MUS81: variants seen among roughly 807,000 people sequenced by gnomAD.
MUS81 encodes the protein structure-specific endonuclease subunit MUS81.
MUS81 carries 69 observed loss-of-function variants against 74.2 expected under a neutral mutation model. The observed-to-expected ratio is 0.93, with a 90% CI of 0.77 to 1.14. The LOEUF is 1.14. MUS81 is among the 50% of genes most tolerant of loss of function. The pLI, the probability that MUS81 is intolerant of heterozygous loss-of-function variation, is 0.00. For missense variants in MUS81, 711 were observed against 726.5 expected (o/e 0.98, Z 0.25); for synonymous variants, 303 against 300.6 (o/e 1.01, Z -0.08).
chr11:65,863,116 A>G lies in MUS81; in HGVS notation c.657A>G (p.Ser219=). ...AGCTGGCCCAGAAGTTGGCCGAGTC[A>G]GAAGGCCTGAGCTTGCTGAATGTGG... The part of the protein sequence containing the change: ...GLELAQKLAE[S]EGLSLLNVGI... The change falls in exon 7 of 16, where the codon TCA becomes TCG. Residue 219 remains serine, a synonymous_variant. Coordinates refer to ENST00000308110, the MANE Select transcript of MUS81 (RefSeq NM_025128.5). 8 of 1,614,192 alleles carry G rather than the reference A, an allele frequency of 5.0e-6. No homozygotes were observed. The highest frequency in any genetic ancestry group is 6.8e-6 in the Non-Finnish European group (8 of 1,180,030).
At position 65,864,512 on chromosome 11, in the gene MUS81, T is replaced by A; in HGVS notation, c.1075T>A (p.Cys359Ser). Reference sequence around the variant, plus strand: ...ACTTCCCTAGTTCCGGCTGAAGCGCTGTGGTCTGGAGCGCCGGGTATACCT... The same window carrying A: ...ACTTCCCTAGTTCCGGCTGAAGCGCAGTGGTCTGGAGCGCCGGGTATACCT... ...FREQKFRLKR[C>S]GLERRVYLVE... is the part of the protein sequence containing the mutation. Residue 359 changes from cysteine to serine, a missense_variant, in exon 11 of 16, where the codon TGT (cysteine) becomes AGT (serine). Physicochemically the swap from Cys to Ser is moderately radical, Grantham distance 112. Transcript: ENST00000308110. 6.2e-7 allele frequency: 1 copy of A among 1,614,142 alleles called. No homozygotes were observed. Among genetic ancestry groups the A allele is most frequent in the East Asian group, 2.2e-5 (1 of 44,880 alleles).
Position 65,861,332 on chromosome 11 carries a change from C to T in MUS81, c.266-18C>T. Reference sequence around the variant, plus strand: ...CCGGATTCGTGGAGTGTGGAGTTAACTCTTTTCTCTCCCGCAGGTGACCAT... The same window carrying T: ...CCGGATTCGTGGAGTGTGGAGTTAATTCTTTTCTCTCCCGCAGGTGACCAT... On this transcript the variant is annotated intron_variant, in intron 2 of 15. Transcript: ENST00000308110. 6.3e-7 allele frequency: 1 copy of T among 1,577,480 alleles called. No homozygotes were observed. Among genetic ancestry groups the T allele is most frequent in the Admixed American group, 1.8e-5 (1 of 55,562 alleles).
chr11:65,865,181 G>A, intron 13 of MUS81, 36 bp downstream of exon 13: 1 of 1,614,170 alleles, frequency 6.2e-7, no homozygotes. Context: ...ACATGGCCTG[G>A]CCCAGACCCC....
At chr11:65,862,313 T>TG in intron 5 of MUS81, 34 bp downstream of exon 5, 1 of 1,609,658 alleles carries the variant, frequency 6.2e-7, no homozygotes, top group South Asian at 1.1e-5. Context: ...CAGGCCCAAG[T>TG]GGCTCTGGGG....
At chr11:65,861,305 T>G (rs1175878165) in intron 2 of MUS81, 45 bp from the exon 3 acceptor site, 3 of 1,557,774 alleles carry the variant, frequency 1.9e-6, no homozygotes, top group Non-Finnish European at 2.6e-6. Flanking sequence ...TCCTCGCAGC[T>G]GCCGGATTCG....
rs1859562905 is a variant in MUS81 at position 65,860,820 on chromosome 11, C to T, written c.67C>T (p.Arg23Cys). Residue 23 changes from arginine (R) to cysteine (C), a missense_variant, in exon 1 of 16, where the codon CGC (arginine) becomes TGC (cysteine). Arg to Cys is a radical substitution (Grantham distance 180, BLOSUM62 -3). Transcript: ENST00000308110. ...TGCCTGTCCCAACCCGCTCTTCGTT[C>T]GCTGGCTGACCGAGTGGCGGGACGA... ...LPACPNPLFVRWLTEWRDEAT... is the reference protein window; with the variant it reads ...LPACPNPLFVCWLTEWRDEAT... The T allele has an allele frequency of 1.9e-6, 3 of 1,549,190 alleles. No homozygotes were observed. The highest frequency in any genetic ancestry group is 4.8e-5 in the East Asian group (2 of 41,254).
chr11:65,863,773 G>C, intron 9 of MUS81, 31 bp from the exon 10 acceptor site: 2 of 1,614,172 alleles, frequency 1.2e-6, no homozygotes. Flanking sequence ...GTGGGTAGGG[G>C]ATCGCAAGCT....
Position 65,863,069 on chromosome 11 carries a change from T to A in MUS81, c.610T>A (p.Ser204Thr). 1 of 1,614,030 alleles carries A rather than the reference T, an allele frequency of 6.2e-7. No homozygotes were observed. Among genetic ancestry groups the A allele is most frequent in the Non-Finnish European group, 8.5e-7 (1 of 1,180,006 alleles). ...GTTGTCCCCTCTGCCTCCCAGGTAC[T>A]CATTGACCCCAGAGGGCCTGGAGCT... Reference protein sequence around the residue: ...VLRTHQPARYSLTPEGLELAQ... With the variant: ...VLRTHQPARYTLTPEGLELAQ... The change falls in exon 7 of 16, where the codon TCA becomes ACA. Residue 204 changes from serine to threonine, a missense_variant. Transcript: ENST00000308110.
chr11:65,865,044 G>A lies in MUS81; in HGVS notation c.1300G>A (p.Gly434Arg). 6.2e-7 allele frequency: 1 copy of A among 1,613,878 alleles called. No homozygotes were observed. The highest frequency in any genetic ancestry group is 1.1e-5 in the South Asian group (1 of 91,080). ...CCACACCCTACGCAGCCGCCCCTGG[G>A]GAACCCCTGGGAACCCTGAATCAGG... The part of the protein sequence containing the change: ...QGHTLRSRPW[G>R]TPGNPESGAM... Residue 434 changes from glycine (G) to arginine (R), a missense_variant, in exon 13 of 16, where the codon GGA (glycine) becomes AGA (arginine). Transcript: ENST00000308110.
chr11:65,863,148 G>A lies in MUS81; in HGVS notation c.689G>A (p.Gly230Glu). The part of the protein sequence containing the change: ...EGLSLLNVGI[G>E]PKEPPGEETA... Reference sequence around the variant, plus strand: ...CTGAGCTTGCTGAATGTGGGCATCGGGCCCAAGGAGCCCCCTGGGGAGGAG... The same window carrying A: ...CTGAGCTTGCTGAATGTGGGCATCGAGCCCAAGGAGCCCCCTGGGGAGGAG... Residue 230 changes from glycine (G) to glutamate (E), a missense_variant, in exon 7 of 16, where the codon GGG (glycine) becomes GAG (glutamate). Transcript: ENST00000308110. The A allele has an allele frequency of 6.2e-7, 1 of 1,614,106 alleles. No homozygotes were observed. Among genetic ancestry groups the A allele is most frequent in the African/African-American group, 1.3e-5 (1 of 75,044 alleles).
rs779397880 is a variant in MUS81, at chr11:65,861,931, C to T, written c.352-16C>T. 1.9e-5 allele frequency: 31 copies of T among 1,596,032 alleles called. No homozygotes were observed. The highest frequency in any genetic ancestry group is 9.0e-5 in the East Asian group (4 of 44,230). ...CTGGCTGGCTTTCATGTTCAGAACT[C>T]CTCTGTACCTTTCAGGTTCCTGCCC... On this transcript the variant is annotated splice_polypyrimidine_tract_variant and intron_variant, in intron 3 of 15. Coordinates refer to ENST00000308110, the MANE Select transcript of MUS81 (RefSeq NM_025128.5).
At chr11:65,863,376 GT>G (rs775376254) in intron 7 of MUS81, 33 bp from the exon 8 acceptor site, 3 of 1,612,922 alleles carry the variant, frequency 1.9e-6, no homozygotes, top group Non-Finnish European at 2.5e-6. Flanking sequence ...GGCACAAGGG[GT>G]TCTGGCCTCA....
chr11:65,863,224 G>A lies in MUS81; in HGVS notation c.746+19G>A, dbSNP rs200899750. On this transcript the variant is annotated intron_variant, in intron 7 of 15. Coordinates refer to ENST00000308110, the MANE Select transcript of MUS81 (RefSeq NM_025128.5). ...CAGAGCTGTGAGGAGGAGGGCAGAG[G>A]AGTGGGGAAAACAGGGAGGAGGGGA... The A allele has an allele frequency of 2.2e-5, 35 of 1,606,516 alleles. No individual in the cohort carries two copies. In the Admixed American group the frequency reaches 2.2e-4, roughly 10 times the overall value.
At position 65,863,469 on chromosome 11, in the gene MUS81, T is replaced by A. The variant is rs1242391669; in HGVS notation, c.806T>A (p.Val269Glu). ...GAGCTGAGGCCTGGAGAGTACAGGG[T>A]GCTGTTGTGTGTGGACATTGGCGAG... ...PLELRPGEYR[V>E]LLCVDIGETR... The change falls in exon 8 of 16, where the codon GTG becomes GAG. Residue 269 changes from valine to glutamate, a missense_variant. Coordinates refer to ENST00000308110, the MANE Select transcript of MUS81 (RefSeq NM_025128.5). 6.2e-7 allele frequency: 1 copy of A among 1,613,818 alleles called. No homozygotes were observed. The highest frequency in any genetic ancestry group is 1.3e-5 in the African/African-American group (1 of 74,902).
chr11:65,861,705 C>T (rs1859612515), intron 3 of MUS81: 1 of 603,236 alleles, frequency 1.7e-6, no homozygotes, highest in Non-Finnish European at 3.0e-6. Context: ...TCTAATTACA[C>T]CTGTCCTGCA....
chr11:65,862,635 G>GC, intron 6 of MUS81, 106 bp downstream of exon 6: 1 of 1,095,308 alleles, frequency 9.1e-7, no homozygotes, highest in Non-Finnish European at 1.3e-6. Context: ...ATTGGGGGGG[G>GC]TGGGCCTTTC....
Position 65,865,986 on chromosome 11 carries a change from G to C in MUS81, c.1590G>C (p.Arg530Ser), listed in dbSNP as rs1328001410. 6.2e-7 allele frequency: 1 copy of C among 1,613,914 alleles called. No homozygotes were observed. Among genetic ancestry groups the C allele is most frequent in the Admixed American group, 1.7e-5 (1 of 59,990 alleles). ...LSTIKCGRLQ[R>S]NLGPALSRTL... ...ACCCTCGCTGCCTCTCTTCCTGCAG[G>C]AATCTGGGGCCTGCTCTGAGCAGGA... The change falls in exon 16 of 16, where the codon AGG becomes AGC. Residue 530 changes from arginine to serine, a missense_variant and splice_region_variant. By Grantham distance (110) the Arg-to-Ser change is moderately radical. Transcript: ENST00000308110.
intron 6 of MUS81, among the ~76,000 whole-genome samples, chr11:65,862,736 GC>G (rs1205531674): frequency 6.6e-6 from 1 of 152,210 alleles, no homozygotes; most frequent in Non-Finnish European, 1.5e-5. Flanking sequence ...GGAGGAGAAA[GC>G]CTTTTCAGAG....
In MUS81 at chr11:65,866,181, G is replaced by A; in HGVS notation, c.*129G>A. ...CAGCCATATGTGTCATGTAGAAGAT[G>A]CCTAGCCCTGGGGACCTTGTGAAAT... On this transcript the variant is annotated 3_prime_UTR_variant, in exon 16 of 16. Transcript: ENST00000308110. The A allele has an allele frequency of 4.5e-6, 4 of 890,248 alleles. No individual in the cohort carries two copies. Among genetic ancestry groups the A allele is most frequent in the Non-Finnish European group, 6.8e-6 (4 of 590,868 alleles). The allele number at this position is 890,248 out of a possible 1,614,324, so 55.1% of individuals were successfully genotyped here. A position where few individuals can be genotyped will look rare whatever the true frequency, so the allele number is the denominator to read the frequency against.
Sources: gnomAD v4.1 joint callset for allele counts (sites outside exome capture counted in the v4.1 genomes callset) on GRCh38, gnomAD v4.1.1 for gene constraint, MANE v1.5 for transcripts, NCBI Gene and HGNC (gene_info 2026-07-23, HGNC 2026-07-21) for gene names.